Variants in CCDC9B observed in about 807,000 individuals in gnomAD.
CCDC9B encodes the protein coiled-coil domain-containing protein 9B.
Under a neutral mutation model 47.2 loss-of-function variants are expected in CCDC9B, and 40 were observed. That is an observed-to-expected ratio of 0.85 (90% CI 0.66 to 1.10). The LOEUF is 1.10. Ranked by LOEUF, CCDC9B falls within the 50% of genes least tolerant of loss-of-function variation. The pLI is 0.00. For missense variants in CCDC9B, 662 were observed against 651.0 expected (o/e 1.02, Z -0.18); for synonymous variants, 238 against 250.7 (o/e 0.95, Z 0.48).
At chr15:40,340,739 T>A (rs983166485) in intron 1 of CCDC9B, 69 bp downstream of exon 1, 47 of 1,471,760 alleles carry the variant, frequency 3.2e-5, no homozygotes, top group Non-Finnish European at 4.2e-5. Flanking sequence ...CCCCAGAGGG[T>A]GGCTGCCTGG....
chr15:40,340,000 CGG>C lies in CCDC9B; in HGVS notation c.26_27del (p.Ala9GlyfsTer57). MHSAGTPRAESPMSRQEKD... is the reference protein window; with the variant it reads MHSAGTPRXESPMSRQEKD... The stretch of plus-strand genomic sequence containing the variant: ...TTCTCCTGCCTGCTCATGGGGGACT[CGG>C]CTCTGGGAGTTCCCTGCAGAGGCAG... On this transcript the variant is annotated frameshift_variant, in exon 2 of 11. Transcript: ENST00000397536. LOFTEE classifies it high-confidence loss of function. The C allele has an allele frequency of 6.2e-7, 1 of 1,613,046 alleles. No homozygotes were observed. Among genetic ancestry groups the C allele is most frequent in the Non-Finnish European group, 8.5e-7 (1 of 1,179,606 alleles).
Position 40,333,852 on chromosome 15 carries a change from A to G in CCDC9B, c.*1306T>C, listed in dbSNP as rs907330633. The G allele has an allele frequency of 1.3e-5, 2 of 156,238 alleles. No homozygotes were observed. The highest frequency in any genetic ancestry group is 4.8e-5 in the African/African-American group (2 of 41,508). 9.7% of individuals were successfully genotyped at this position (156,238 alleles called of 1,614,324 possible). A position where few individuals can be genotyped will look rare whatever the true frequency, so the allele number is the denominator to read the frequency against. On this transcript the variant is annotated 3_prime_UTR_variant, in exon 11 of 11. Coordinates refer to ENST00000397536, the MANE Select transcript of CCDC9B (RefSeq NM_207380.3). ...CAGCCTTCAGCAGAGAGCAGCAGCC[A>G]TGGCAGGACCAGAAGGAGGGGGCAG...
chr15:40,335,480 C>T lies in CCDC9B; in HGVS notation c.1151G>A (p.Gly384Asp), dbSNP rs1400553440. The change falls in exon 11 of 11, where the codon GGC becomes GAC. Residue 384 changes from glycine to aspartate, a missense_variant. By Grantham distance (94) the Gly-to-Asp change is moderately conservative (BLOSUM62 -1). Transcript: ENST00000397536. ...CCCGCTCTCCCTGGGCCCAGGGATG[C>T]CAGCCCCTCCTAGGGAGAGGTCAAG... The part of the protein sequence containing the change: ...APLDLSLGGA[G>D]IPGPRESGCV... 2 of 1,590,434 alleles carry T rather than the reference C, an allele frequency of 1.3e-6. No homozygotes were observed. Among genetic ancestry groups the T allele is most frequent in the South Asian group, 1.1e-5 (1 of 88,968 alleles).
At position 40,335,378 on chromosome 15, in the gene CCDC9B, C is replaced by T. The variant is rs1888933914; in HGVS notation, c.1253G>A (p.Gly418Glu). 6.2e-7 allele frequency: 1 copy of T among 1,613,288 alleles called. No individual in the cohort carries two copies. Among genetic ancestry groups the T allele is most frequent in the African/African-American group, 1.3e-5 (1 of 75,048 alleles). Residue 418 changes from glycine (G) to glutamate (E), a missense_variant, in exon 11 of 11, where the codon GGG (glycine) becomes GAG (glutamate). Physicochemically the swap from Gly to Glu is moderately conservative, Grantham distance 98. Transcript: ENST00000397536. ...CAGCTCAGCCTGGTGATTGCTCCACCCCAGGGGCTGCTGCTTAGAGCCCTC... is the reference window on the plus strand; with the variant it reads ...CAGCTCAGCCTGGTGATTGCTCCACTCCAGGGGCTGCTGCTTAGAGCCCTC... Reference protein sequence around the residue: ...WPEGSKQQPLGWSNHQAELEV... With the variant: ...WPEGSKQQPLEWSNHQAELEV...
At chr15:40,340,606 G>C (rs1889070472) in intron 1 of CCDC9B, 1 of 586,486 alleles carries the variant, frequency 1.7e-6, no homozygotes, top group African/African-American at 1.9e-5. Flanking sequence ...CAGCCCAGGA[G>C]TCACCCTGGG....
intron 5 of CCDC9B, chr15:40,338,166 G>C: frequency 1.4e-6 from 1 of 719,344 alleles, no homozygotes; most frequent in Non-Finnish European, 2.6e-6. Flanking sequence ...GTATGCAGAC[G>C]GGCCGGAGTG....
intron 3 of CCDC9B, 45 bp downstream of exon 3, chr15:40,339,467 C>T (rs1055444707): frequency 6.2e-7 from 1 of 1,600,816 alleles, no homozygotes; most frequent in South Asian, 1.1e-5. Context: ...TGGTCTGGGC[C>T]TCCACCTCCT....
At position 40,335,212 on chromosome 15, in the gene CCDC9B, G is replaced by T; in HGVS notation, c.1419C>A (p.Gly473=). The change falls in exon 11 of 11, where the codon GGC becomes GGA. Residue 473 remains glycine (G), a synonymous_variant. Coordinates refer to ENST00000397536, the MANE Select transcript of CCDC9B (RefSeq NM_207380.3). Reference sequence around the variant, plus strand: ...CTGTCCTGCGCCTCACACCTGCTGTGCCTCTCGACCTTTGGCTGCCTCCTC... The same window carrying T: ...CTGTCCTGCGCCTCACACCTGCTGTTCCTCTCGACCTTTGGCTGCCTCCTC... The part of the protein sequence containing the change: ...PTRGGSQRSR[G]TAGVRRRTGR... The T allele has an allele frequency of 6.4e-7, 1 of 1,567,322 alleles. No individual in the cohort carries two copies.
At position 40,335,249 on chromosome 15, in the gene CCDC9B, C is replaced by G; in HGVS notation, c.1382G>C (p.Ser461Thr). The change falls in exon 11 of 11, where the codon AGC becomes ACC. Residue 461 changes from serine to threonine, a missense_variant. Ser to Thr is a moderately conservative substitution (Grantham distance 58, BLOSUM62 1). Coordinates refer to ENST00000397536, the MANE Select transcript of CCDC9B (RefSeq NM_207380.3). Reference protein sequence around the residue: ...SGAQQGLAPRSRPTRGGSQRS... With the variant: ...SGAQQGLAPRTRPTRGGSQRS... ...TTGGCTGCCTCCTCTCGTGGGCCGG[C>G]TTCTCGGGGCCAGGCCCTGCTGGGC... The G allele has an allele frequency of 2.5e-6, 4 of 1,596,872 alleles. No homozygotes were observed. The highest frequency in any genetic ancestry group is 3.4e-6 in the Non-Finnish European group (4 of 1,169,532).
At position 40,332,751 on chromosome 15, in the gene CCDC9B, T is replaced by G. The variant is rs989818260; in HGVS notation, c.*2407A>C. 2.0e-4 allele frequency: 30 copies of G among 151,330 alleles called. No individual in the cohort carries two copies. The highest frequency in any genetic ancestry group is 7.3e-4 in the African/African-American group (30 of 41,290). The allele number at this position is 151,330 out of a possible 1,614,324, so 9.4% of individuals were successfully genotyped here. On this transcript the variant is annotated 3_prime_UTR_variant, in exon 11 of 11. Coordinates refer to ENST00000397536, the MANE Select transcript of CCDC9B (RefSeq NM_207380.3). Reference sequence around the variant, plus strand: ...AGACATCTGCCTGATGTCTCCAAAATCTAAGGGCTTTGCCTGAACCTCCTC... The same window carrying G: ...AGACATCTGCCTGATGTCTCCAAAAGCTAAGGGCTTTGCCTGAACCTCCTC...
chr15:40,338,201 A>G, intron 5 of CCDC9B: 1 of 710,892 alleles, frequency 1.4e-6, no homozygotes, highest in Non-Finnish European at 2.6e-6. Context: ...AGCTGTGAGC[A>G]AGGGCAAGGA....
Position 40,335,384 on chromosome 15 carries a change from GGCT to G in CCDC9B, c.1244_1246del (p.Gln415del). On this transcript the variant is annotated inframe_deletion, in exon 11 of 11. Coordinates refer to ENST00000397536, the MANE Select transcript of CCDC9B (RefSeq NM_207380.3). ...AGCCTGGTGATTGCTCCACCCCAGG[GGCT>G]GCTGCTTAGAGCCCTCTGGCCAAGA... is the stretch of plus-strand genomic sequence containing the variant. 6.2e-7 allele frequency: 1 copy of G among 1,613,208 alleles called. No individual in the cohort carries two copies.
rs1207802656 is a variant in CCDC9B, at chr15:40,336,024, GCAGAGAGGAGCAGCCATGGCAGGAC to G, written c.888-223_888-199del. ...TCTCCCTAGAGCCCCATAGCCCTCA[GCAGAGAGGAGCAGCCATGGCAGGAC>G]CAGAGAGGAGGGGCCTCCACCTCCT... On this transcript the variant is annotated intron_variant, in intron 9 of 10. Transcript: ENST00000397536. The G allele has an allele frequency of 3.0e-6, 3 of 985,258 alleles. No individual in the cohort carries two copies. The African/African-American group carries it at 5.2e-5, about 17-fold the overall frequency. The allele number at this position is 985,258 out of a possible 1,614,324, so 61.0% of individuals were successfully genotyped here. A position where few individuals can be genotyped will look rare whatever the true frequency, so the allele number is the denominator to read the frequency against.
chr15:40,339,026 A>G (rs1450550175), intron 3 of CCDC9B, 123 bp from the exon 4 acceptor site: 4 of 1,090,820 alleles, frequency 3.7e-6, no homozygotes, highest in Non-Finnish European at 2.8e-6. Context: ...CCCACAGAAG[A>G]GCTGACTCCC....
In CCDC9B at chr15:40,335,110, A is replaced by G; in HGVS notation, c.*48T>C. 3 of 1,393,980 alleles carry G rather than the reference A, an allele frequency of 2.2e-6. No homozygotes were observed. The highest frequency in any genetic ancestry group is 2.9e-6 in the Non-Finnish European group (3 of 1,042,064). 86.4% of individuals were successfully genotyped at this position (1,393,980 alleles called of 1,614,324 possible). On this transcript the variant is annotated 3_prime_UTR_variant, in exon 11 of 11. Transcript: ENST00000397536. ...CACGCGGAGGGCCTTTAACAGAGTG[A>G]TTCCCTTTTCCTCTCCCCGGGGACT...
chr15:40,334,094 C>T lies in CCDC9B; in HGVS notation c.*1064G>A, dbSNP rs998744731. ...GATGACTGGCTTTCTTCCCTCCCTC[C>T]TGCTGGCAGTCTCCGTCGCCTACCG... On this transcript the variant is annotated 3_prime_UTR_variant, in exon 11 of 11. Transcript: ENST00000397536. The T allele has an allele frequency of 3.3e-5, 5 of 152,770 alleles. No individual in the cohort carries two copies. The highest frequency in any genetic ancestry group is 1.2e-4 in the African/African-American group (5 of 41,470). The allele number at this position is 152,770 out of a possible 1,614,324, so 9.5% of individuals were successfully genotyped here. A position where few individuals can be genotyped will look rare whatever the true frequency, so the allele number is the denominator to read the frequency against.
chr15:40,340,399 G>C lies in CCDC9B; in HGVS notation c.13-384C>G, dbSNP rs545518899. On this transcript the variant is annotated intron_variant, in intron 1 of 10. Transcript: ENST00000397536. ...TGCCAGGGGATTCGGGAGGTCGAGG[G>C]GGGAGCTGTTTGGCTCCCAGATCCA... 1.5e-4 allele frequency: 49 copies of C among 326,962 alleles called. No homozygotes were observed. The South Asian group carries it at 2.0e-3, about 13-fold the overall frequency. 20.3% of individuals were successfully genotyped at this position (326,962 alleles called of 1,614,324 possible). A position where few individuals can be genotyped will look rare whatever the true frequency, so the allele number is the denominator to read the frequency against.
At position 40,336,943 on chromosome 15, in the gene CCDC9B, C is replaced by A; in HGVS notation, c.743-130G>T. The stretch of plus-strand genomic sequence containing the variant: ...GTGGGTTTTGCCTCCCCAAAAGCGC[C>A]CTCGCCTGGGGGTCAGGAGAATAGG... On this transcript the variant is annotated intron_variant, in intron 7 of 10. Coordinates refer to ENST00000397536, the MANE Select transcript of CCDC9B (RefSeq NM_207380.3). 5 of 846,612 alleles carry A rather than the reference C, an allele frequency of 5.9e-6. No individual in the cohort carries two copies. The South Asian group carries it at 6.1e-5, about 10-fold the overall frequency. The allele number at this position is 846,612 out of a possible 1,614,324, so 52.4% of individuals were successfully genotyped here.
At chr15:40,339,409 G>A (rs1317944474) in intron 3 of CCDC9B, 103 bp downstream of exon 3, 2 of 1,273,758 alleles carry the variant, frequency 1.6e-6, no homozygotes, top group Non-Finnish European at 2.2e-6. Context: ...GTGCACCCCA[G>A]AATAGTTAGT....
Sources: allele counts gnomAD v4.1 joint callset, GRCh38; gene constraint gnomAD v4.1.1; transcripts MANE v1.5; gene names NCBI Gene and HGNC (gene_info 2026-07-23, HGNC 2026-07-21).